The following IGSF11 variants were observed in gnomAD, a reference collection of about 807,000 sequenced individuals.
IGSF11 encodes the protein immunoglobulin superfamily member 11.
Under a neutral mutation model 41.0 loss-of-function variants are expected in IGSF11, and 22 were observed. The observed-to-expected ratio is 0.54, with a 90% CI of 0.38 to 0.77. The LOEUF is 0.77. Among genes scored for constraint, IGSF11 ranks in the 30% least tolerant of loss-of-function variants. The pLI is 0.00. For missense variants in IGSF11, 444 were observed against 530.8 expected, an observed-to-expected ratio of 0.84 and a Z score of 1.61; for synonymous variants, 219 against 201.3, an observed-to-expected ratio of 1.09 and a Z score of -0.74.
At chr3:119,019,738 G>A (rs1259468800) in intron 1 of IGSF11, among the ~76,000 whole-genome samples, 1 of 152,134 alleles carries the variant, frequency 6.6e-6, no homozygotes, top group Non-Finnish European at 1.5e-5. Flanking sequence ...CTCCGTGAGG[G>A]TATTCTTTCC....
intron 1 of IGSF11, among the ~76,000 whole-genome samples, chr3:119,056,961 T>C (rs1268172425): frequency 6.6e-6 from 1 of 152,304 alleles, no homozygotes; most frequent in East Asian, 1.9e-4. Flanking sequence ...TAGGTATTGA[T>C]GGGATATATC....
chr3:118,947,903 C>G (rs546007209), intron 1 of IGSF11: 9 of 152,296 alleles, frequency 5.9e-5, no homozygotes, highest in African/African-American at 2.2e-4. Flanking sequence ...AAGGTTTATA[C>G]AGATTATTAA....
intron 4 of IGSF11, among the ~76,000 whole-genome samples, chr3:118,923,894 G>T (rs1271184182): frequency 6.6e-6 from 1 of 152,122 alleles, no homozygotes; most frequent in Non-Finnish European, 1.5e-5. Context: ...AGTTTACTTT[G>T]ATCACTTGGT....
intron 1 of IGSF11, among the ~76,000 whole-genome samples, chr3:119,065,792 CAAAAAAAAAAAA>C (rs1193374379): frequency 1.8e-5 from 1 of 56,742 alleles, no homozygotes; most frequent in Non-Finnish European, 3.8e-5. Flanking sequence ...GACTCTGTCT[CAAAAAAAAAAAA>C]AAAAAAAAAA....
intron 1 of IGSF11, among the ~76,000 whole-genome samples, chr3:119,119,719 G>C (rs540959810): frequency 6.6e-6 from 1 of 152,038 alleles, no homozygotes; most frequent in Non-Finnish European, 1.5e-5. Flanking sequence ...CTCAGAGTAC[G>C]GTGACTACCT....
upstream of IGSF11, among the ~76,000 whole-genome samples, chr3:119,109,673 T>G (rs757277882): frequency 6.6e-6 from 1 of 152,192 alleles, no homozygotes; most frequent in Non-Finnish European, 1.5e-5. Flanking sequence ...TTCTTTTAAT[T>G]GTGATGTTAG....
At position 119,134,470 on chromosome 3, in the gene IGSF11, A is replaced by T. The variant is rs527967360; in HGVS notation, c.-14+11343T>A. Among the ~76,000 whole-genome samples, 328 of 152,280 alleles carry T rather than the reference A, an allele frequency of 2.2e-3. 1 individual carries two copies. Among genetic ancestry groups the T allele is most frequent in the African/African-American group, 6.0e-3 (249 of 41,560 alleles). On this transcript the variant is annotated intron_variant, in intron 1 of 7. Coordinates refer to the IGSF11 transcript ENST00000425327. ...GAGTGAACTCCCACTCACAATTGCT[A>T]CAAAGAGAATAAAATACCTAGGAAT...
chr3:119,088,922 T>C (rs554492383), intron 1 of IGSF11, among the ~76,000 whole-genome samples: 2 of 152,046 alleles, frequency 1.3e-5, no homozygotes, highest in Non-Finnish European at 2.9e-5. Flanking sequence ...AATAGACCAA[T>C]AACAACTTCT....
At chr3:119,007,918 A>C (rs1457180836) in intron 1 of IGSF11, among the ~76,000 whole-genome samples, 2 of 152,172 alleles carry the variant, frequency 1.3e-5, no homozygotes, top group Admixed American at 1.3e-4. Context: ...CTTCCCTCAG[A>C]AAATATATGC....
intron 1 of IGSF11, among the ~76,000 whole-genome samples, chr3:118,932,450 G>A (rs1337238694): frequency 6.6e-6 from 1 of 152,168 alleles, no homozygotes; most frequent in East Asian, 1.9e-4. Flanking sequence ...GTCTGATGAT[G>A]TTCTCAGGAG....
chr3:119,086,783 C>G (rs182609921), intron 1 of IGSF11, among the ~76,000 whole-genome samples: 1 of 152,258 alleles, frequency 6.6e-6, no homozygotes, highest in East Asian at 1.9e-4. Flanking sequence ...GAATCCAACA[C>G]CTGCTACCAC....
intron 1 of IGSF11, among the ~76,000 whole-genome samples, chr3:119,008,977 T>C (rs1309408328): frequency 1.3e-5 from 2 of 152,182 alleles, no homozygotes; most frequent in South Asian, 2.1e-4. Flanking sequence ...CAAACTAGGA[T>C]ACTGCCTCTG....
At chr3:118,911,335 C>T (rs1016268082) in intron 4 of IGSF11, among the ~76,000 whole-genome samples, 4 of 152,092 alleles carry the variant, frequency 2.6e-5, no homozygotes. Flanking sequence ...TTATTCAGCA[C>T]TTTTAGTGGG....
At chr3:119,018,913 A>T (rs1423554751) in intron 1 of IGSF11, among the ~76,000 whole-genome samples, 3 of 152,250 alleles carry the variant, frequency 2.0e-5, no homozygotes, top group Non-Finnish European at 2.9e-5. Flanking sequence ...CCTTTGGCAC[A>T]TGTGCCCAGA....
intron 1 of IGSF11, among the ~76,000 whole-genome samples, chr3:118,973,978 G>GAT (rs1378256662): frequency 1.3e-5 from 2 of 152,112 alleles, no homozygotes; most frequent in Non-Finnish European, 2.9e-5. Context: ...AGAGCGTCAG[G>GAT]ATAAATAGCT....
chr3:118,951,876 A>AT (rs1382923264), intron 1 of IGSF11, among the ~76,000 whole-genome samples: 2 of 152,034 alleles, frequency 1.3e-5, no homozygotes, highest in African/African-American at 2.4e-5. Context: ...TTTTTTTAAA[A>AT]TTTTTTCCCA....
chr3:118,985,906 C>T (rs1365927647), intron 1 of IGSF11, among the ~76,000 whole-genome samples: 1 of 152,094 alleles, frequency 6.6e-6, no homozygotes. Flanking sequence ...GTCACAACCT[C>T]AGTATAGAGC....
upstream of IGSF11, among the ~76,000 whole-genome samples, chr3:119,036,500 A>G (rs1940910112): frequency 6.6e-6 from 1 of 152,106 alleles, no homozygotes; most frequent in South Asian, 2.1e-4. Flanking sequence ...ACTGAGAGCA[A>G]CTCTTCATGT....
At chr3:118,928,482 A>G (rs1438362355) in intron 3 of IGSF11, 27 bp downstream of exon 3, 3 of 1,590,770 alleles carry the variant, frequency 1.9e-6, no homozygotes, top group Non-Finnish European at 2.6e-6. Flanking sequence ...TAAAGCCCGA[A>G]CAGCCAAGGA....
Sources: allele counts gnomAD v4.1 joint callset (sites outside exome capture counted in the v4.1 genomes callset), GRCh38; gene constraint gnomAD v4.1.1; transcripts MANE v1.5; gene names NCBI Gene and HGNC (gene_info 2026-07-23, HGNC 2026-07-21).